USP4: variants seen among roughly 807,000 people sequenced by gnomAD.
The protein encoded by USP4 is ubiquitin specific peptidase 4.
USP4 carries 72 observed loss-of-function variants against 118.2 expected under a neutral mutation model. The observed-to-expected ratio is 0.61, with a 90% CI of 0.50 to 0.74. The LOEUF is 0.74. Among genes scored for constraint, USP4 ranks in the 30% least tolerant of loss-of-function variants. The pLI, the probability that USP4 is intolerant of heterozygous loss-of-function variation, is 0.00. For synonymous variants in USP4, 415 were observed against 440.4 expected (o/e 0.94, Z 0.72); for missense variants, 1,037 against 1,185.7 (o/e 0.87, Z 1.84).
intron 6 of USP4, chr3:49,312,233 C>T (rs543854497): frequency 2.8e-4 from 71 of 250,832 alleles, no homozygotes; most frequent in African/African-American, 1.4e-3. Context: ...CCGAGGCTGG[C>T]GGATCATGAG....
intron 20 of USP4, among the ~76,000 whole-genome samples, chr3:49,279,395 T>C (rs2046993715): frequency 1.3e-5 from 2 of 152,114 alleles, no homozygotes; most frequent in Non-Finnish European, 2.9e-5. Context: ...CATTGGGTGT[T>C]TGGGTTTGCA....
intron 2 of USP4, among the ~76,000 whole-genome samples, chr3:49,330,111 C>T (rs1341385688): frequency 2.0e-5 from 3 of 151,924 alleles, no homozygotes; most frequent in Non-Finnish European, 2.9e-5. Flanking sequence ...GGAGAGGTTG[C>T]AGGGAGCCAA....
intron 2 of USP4, among the ~76,000 whole-genome samples, chr3:49,332,502 C>T (rs954852954): frequency 6.6e-6 from 1 of 151,622 alleles, no homozygotes; most frequent in Admixed American, 6.6e-5. Context: ...CCTCTAGCAG[C>T]AAAGAGGTAG....
At chr3:49,298,755 C>G in intron 11 of USP4, 120 bp from the exon 12 acceptor site, 2 of 860,108 alleles carry the variant, frequency 2.3e-6, no homozygotes, top group Non-Finnish European at 3.9e-6. Flanking sequence ...ATGGTGAGGT[C>G]AGGGTACAGA....
At chr3:49,292,479 G>C (rs998705000) in intron 15 of USP4, 31 bp downstream of exon 15, 2 of 1,426,730 alleles carry the variant, frequency 1.4e-6, no homozygotes, top group Middle Eastern at 1.8e-4. Flanking sequence ...TATTTGGTCA[G>C]TCACAGCCAC....
chr3:49,305,031 G>A (rs1308524230), intron 9 of USP4, among the ~76,000 whole-genome samples: 1 of 150,696 alleles, frequency 6.6e-6, no homozygotes, highest in Non-Finnish European at 1.5e-5. Context: ...CAAAGTGCTG[G>A]GATTACAGGA....
At chr3:49,327,538 C>CAAA in intron 3 of USP4, 148 bp downstream of exon 3, 1 of 746,828 alleles carries the variant, frequency 1.3e-6, no homozygotes. Context: ...GACTCCATCT[C>CAAA]AAAAAAAAAA....
intron 19 of USP4, 145 bp from the exon 20 acceptor site, chr3:49,280,992 T>G (rs2047017671): frequency 1.6e-6 from 1 of 625,646 alleles, no homozygotes; most frequent in Non-Finnish European, 2.8e-6. Flanking sequence ...TGGAAGGGAC[T>G]CTAGGATCCA....
At chr3:49,294,317 T>C (rs1400709995) in intron 14 of USP4, 90 bp downstream of exon 14, 13 of 1,387,066 alleles carry the variant, frequency 9.4e-6, no homozygotes, top group Non-Finnish European at 1.3e-5. Flanking sequence ...GCATGTAGGA[T>C]CAACACAGCC....
chr3:49,300,885 C>A (rs927728162), intron 10 of USP4, among the ~76,000 whole-genome samples, 194 bp from the exon 11 acceptor site: 2 of 152,036 alleles, frequency 1.3e-5, no homozygotes, highest in Non-Finnish European at 2.9e-5. Flanking sequence ...TACGCCCAAT[C>A]CCCACCCCAA....
intron 15 of USP4, among the ~76,000 whole-genome samples, chr3:49,290,804 C>T (rs928457706): frequency 6.6e-6 from 1 of 152,094 alleles, no homozygotes; most frequent in East Asian, 1.9e-4. Flanking sequence ...CATGAGCCAT[C>T]GCACCCGTCT....
rs533149842 is a variant in USP4 at position 49,324,687 on chromosome 3, A to G, written c.695+15T>C. 1 of 1,613,344 alleles carries G rather than the reference A, an allele frequency of 6.2e-7. No individual in the cohort carries two copies. Among genetic ancestry groups the G allele is most frequent in the East Asian group, 2.2e-5 (1 of 44,884 alleles). ...CACATGTGAGCCTACAACAAGGGAG[A>G]AAAAATTCACTTACTTTGACTGCAA... is the stretch of plus-strand genomic sequence containing the variant. On this transcript the variant is annotated intron_variant, in intron 6 of 21. Transcript: ENST00000265560.
In USP4 at chr3:49,327,832, A is replaced by G. The variant is rs1470058111; in HGVS notation, c.230-16T>C. 3 of 1,612,150 alleles carry G rather than the reference A, an allele frequency of 1.9e-6. No homozygotes were observed. Among genetic ancestry groups the G allele is most frequent in the Admixed American group, 1.7e-5 (1 of 59,962 alleles). On this transcript the variant is annotated splice_polypyrimidine_tract_variant and intron_variant, in intron 2 of 21. Transcript: ENST00000265560. ...CTCTCAGGATCTAAAAAAGGAAAAG[A>G]GCACATAAGTCACTGCTCTTTACCC... is the stretch of plus-strand genomic sequence containing the variant.
chr3:49,317,844 G>A (rs1272264351), intron 6 of USP4, among the ~76,000 whole-genome samples: 6 of 150,238 alleles, frequency 4.0e-5, no homozygotes, highest in Non-Finnish European at 7.4e-5. Context: ...GAGCCACTGC[G>A]CCCAGCCTGA....
At chr3:49,295,382 G>C (rs17080505) in intron 13 of USP4, among the ~76,000 whole-genome samples, 9,024 of 146,994 alleles carry the variant, frequency 0.061, 329 homozygotes, top group Non-Finnish European at 0.073. Flanking sequence ...TAGGATATTA[G>C]CCAAACTCTT....
At chr3:49,298,043 GAA>G in intron 12 of USP4, 79 bp from the exon 13 acceptor site, 2 of 845,016 alleles carry the variant, frequency 2.4e-6, no homozygotes, top group Non-Finnish European at 3.7e-6. Context: ...AGAAACAAAT[GAA>G]AAAAAAAATA....
At chr3:49,287,671 C>T (rs1309873227) in intron 15 of USP4, among the ~76,000 whole-genome samples, 1 of 152,128 alleles carries the variant, frequency 6.6e-6, no homozygotes, top group East Asian at 1.9e-4. Flanking sequence ...CGGGGTTTCT[C>T]CATGTTGGCC....
At chr3:49,323,182 G>C (rs1024185106) in intron 6 of USP4, among the ~76,000 whole-genome samples, 2 of 150,034 alleles carry the variant, frequency 1.3e-5, no homozygotes, top group Non-Finnish European at 3.0e-5. Flanking sequence ...GGTCAGGCTG[G>C]TCTCAAACTC....
chr3:49,339,462 A>T (rs1199594487), intron 1 of USP4, among the ~76,000 whole-genome samples: 1 of 152,196 alleles, frequency 6.6e-6, no homozygotes, highest in Non-Finnish European at 1.5e-5. Flanking sequence ...TCAGCTTCTG[A>T]CCTTGACATC....
Sources: gnomAD v4.1 joint callset for allele counts (sites outside exome capture counted in the v4.1 genomes callset) on GRCh38, gnomAD v4.1.1 for gene constraint, MANE v1.5 for transcripts, NCBI Gene and HGNC (gene_info 2026-07-23, HGNC 2026-07-21) for gene names.